GRM7: variants seen among roughly 807,000 people sequenced by gnomAD.
GRM7 encodes glutamate metabotropic receptor 7.
Under a neutral mutation model 84.5 loss-of-function variants are expected in GRM7, and 35 were observed. The ratio of observed to expected loss-of-function variants is 0.41; its 90% confidence interval spans 0.32 to 0.55. The LOEUF (loss-of-function observed/expected upper bound fraction) is 0.55, where lower values mean the gene tolerates loss of function less well. Ranked by LOEUF, GRM7 falls within the 20% of genes least tolerant of loss-of-function variation. The pLI, the probability that GRM7 is intolerant of heterozygous loss-of-function variation, is 0.19. For missense variants in GRM7, 1,003 were observed against 1,194.6 expected (o/e 0.84, Z 2.36); for synonymous variants, 487 against 455.1 (o/e 1.07, Z -0.89).
chr3:7,170,547 C>T (rs1375084475), intron 2 of GRM7, among the ~76,000 whole-genome samples: 2 of 152,112 alleles, frequency 1.3e-5, no homozygotes, highest in Non-Finnish European at 2.9e-5. Context: ...AGCAAATTGT[C>T]ATATGGTGAA....
chr3:7,146,604 C>A lies in GRM7; in HGVS notation c.672C>A (p.Leu224=). ...KALGWNYVST[L]ASEGSYGEKG... ...TAGGCTGGAATTATGTGTCTACCCTCGCATCGGAAGGAAGTTATGGAGAGA... is the reference window on the plus strand; with the variant it reads ...TAGGCTGGAATTATGTGTCTACCCTAGCATCGGAAGGAAGTTATGGAGAGA... The change falls in exon 2 of 10, where the codon CTC becomes CTA. Residue 224 remains leucine, a synonymous_variant. Coordinates refer to ENST00000357716, the MANE Select transcript of GRM7 (RefSeq NM_000844.4). The A allele has an allele frequency of 6.2e-7, 1 of 1,613,958 alleles. No homozygotes were observed. The highest frequency in any genetic ancestry group is 8.5e-7 in the Non-Finnish European group (1 of 1,179,922).
chr3:7,520,252 T>A (rs1700545278), intron 7 of GRM7: 1 of 152,124 alleles, frequency 6.6e-6, no homozygotes, highest in African/African-American at 2.4e-5. Context: ...AAGAGCTTGG[T>A]AATCTCATTA....
intron 1 of GRM7, among the ~76,000 whole-genome samples, chr3:7,138,252 T>A (rs1428261685): frequency 6.6e-6 from 1 of 151,982 alleles, no homozygotes; most frequent in African/African-American, 2.4e-5. Flanking sequence ...AAAGATCAGT[T>A]ATGCAAATAT....
At chr3:7,525,518 TG>T (rs1247362298) in intron 7 of GRM7, among the ~76,000 whole-genome samples, 3 of 152,058 alleles carry the variant, frequency 2.0e-5, no homozygotes, top group Non-Finnish European at 4.4e-5. Flanking sequence ...AGAGCCTGGC[TG>T]GGAACAGAGT....
intron 2 of GRM7, among the ~76,000 whole-genome samples, chr3:7,257,788 A>T (rs981400077): frequency 2.6e-5 from 4 of 152,184 alleles, no homozygotes; most frequent in African/African-American, 4.8e-5. Context: ...TGATCTCGTG[A>T]ATCTTTCCTT....
chr3:7,449,161 C>T (rs146358961), intron 5 of GRM7, among the ~76,000 whole-genome samples: 147 of 151,954 alleles, frequency 9.7e-4, no homozygotes, highest in Non-Finnish European at 1.8e-3. Flanking sequence ...ACAGCCACAA[C>T]GTAGCAAAAA....
chr3:7,653,838 T>C (rs570638718), intron 8 of GRM7, among the ~76,000 whole-genome samples: 2 of 152,274 alleles, frequency 1.3e-5, no homozygotes, highest in South Asian at 4.1e-4. Context: ...GTAGACAGGG[T>C]AGGTAAAGTT....
chr3:7,367,287 C>G (rs1693935762), intron 4 of GRM7, among the ~76,000 whole-genome samples: 1 of 151,620 alleles, frequency 6.6e-6, no homozygotes, highest in South Asian at 2.1e-4. Flanking sequence ...GACACCATTG[C>G]TATATTTCCA....
At chr3:7,090,317 G>T (rs1327827120) in intron 1 of GRM7, among the ~76,000 whole-genome samples, 1 of 152,136 alleles carries the variant, frequency 6.6e-6, no homozygotes, top group African/African-American at 2.4e-5. Context: ...AATATGAACT[G>T]AGGAAGCACC....
chr3:7,501,363 T>C (rs1699877160), intron 7 of GRM7, among the ~76,000 whole-genome samples: 1 of 152,228 alleles, frequency 6.6e-6, no homozygotes, highest in Non-Finnish European at 1.5e-5. Context: ...GAGGAACACT[T>C]GCAGCTTCTG....
intron 7 of GRM7, among the ~76,000 whole-genome samples, chr3:7,554,105 C>T (rs145532917): frequency 6.6e-5 from 10 of 152,252 alleles, no homozygotes; most frequent in African/African-American, 1.2e-4. Context: ...CAAAGTAGAA[C>T]GTTGCTAGAT....
At chr3:7,220,977 C>A (rs894089951) in intron 2 of GRM7, among the ~76,000 whole-genome samples, 2 of 152,138 alleles carry the variant, frequency 1.3e-5, no homozygotes, top group African/African-American at 4.8e-5. Flanking sequence ...ACCTGTGTTC[C>A]CAGCTACTCA....
At chr3:7,025,439 T>C (rs1327478731) in intron 1 of GRM7, among the ~76,000 whole-genome samples, 4 of 152,188 alleles carry the variant, frequency 2.6e-5, no homozygotes, top group Admixed American at 2.6e-4. Flanking sequence ...GGATTTAATA[T>C]ACAGCGTGAG....
chr3:7,551,782 G>C (rs967761076), intron 7 of GRM7, among the ~76,000 whole-genome samples: 2 of 152,030 alleles, frequency 1.3e-5, no homozygotes, highest in African/African-American at 4.8e-5. Context: ...ACAGTGCCTG[G>C]TACATGGTAG....
chr3:7,287,910 T>C (rs1310504523), intron 2 of GRM7, among the ~76,000 whole-genome samples: 1 of 152,152 alleles, frequency 6.6e-6, no homozygotes, highest in African/African-American at 2.4e-5. Context: ...TAAAGCTCAA[T>C]TTATCATTTA....
intron 1 of GRM7, among the ~76,000 whole-genome samples, chr3:7,103,800 TTCTTTCTTTCTTTCTTTC>T (rs1355887592): frequency 1.8e-5 from 2 of 110,366 alleles, no homozygotes; most frequent in African/African-American, 5.1e-5. Context: ...CTTTCTTTCT[TTCTTTCTTTCTTTCTTTC>T]TCTCTCTCTC....
intron 1 of GRM7, among the ~76,000 whole-genome samples, chr3:7,018,957 C>T (rs1352556326): frequency 2.6e-5 from 4 of 152,078 alleles, no homozygotes; most frequent in African/African-American, 4.8e-5. Flanking sequence ...ATTAGCCAGG[C>T]GTCATGGCGC....
At chr3:7,163,074 T>C (rs141247421) in intron 2 of GRM7, among the ~76,000 whole-genome samples, 2 of 152,206 alleles carry the variant, frequency 1.3e-5, no homozygotes, top group African/African-American at 2.4e-5. Context: ...CTTCTAGTTT[T>C]TTCTACTCCT....
At chr3:6,968,465 T>A (rs1693615831) in intron 1 of GRM7, among the ~76,000 whole-genome samples, 1 of 152,212 alleles carries the variant, frequency 6.6e-6, no homozygotes, top group Admixed American at 6.5e-5. Flanking sequence ...ACATGACAGT[T>A]ACTATATGCA....
Sources: allele counts gnomAD v4.1 joint callset (sites outside exome capture counted in the v4.1 genomes callset), GRCh38; gene constraint gnomAD v4.1.1; transcripts MANE v1.5; gene names NCBI Gene and HGNC (gene_info 2026-07-23, HGNC 2026-07-21).